Variants in SDK1 observed in about 807,000 individuals in gnomAD.
The protein encoded by SDK1 is sidekick cell adhesion molecule 1.
SDK1 carries 157 observed loss-of-function variants against 245.5 expected under a neutral mutation model. The ratio of observed to expected loss-of-function variants is 0.64; its 90% CI spans 0.56 to 0.73. The LOEUF (loss-of-function observed/expected upper bound fraction) is 0.73. Among genes scored for constraint, SDK1 ranks in the 30% least tolerant of loss-of-function variants. The pLI is 0.00. For missense variants in SDK1, 3,583 were observed against 3,002.3 expected, an observed-to-expected ratio of 1.19 and a Z score of -4.52; for synonymous variants, 1,647 against 1,278.5, an observed-to-expected ratio of 1.29 and a Z score of -6.15.
intron 1 of SDK1, among the ~76,000 whole-genome samples, chr7:3,611,546 C>G (rs1265833273): frequency 6.6e-6 from 1 of 152,032 alleles, no homozygotes; most frequent in Non-Finnish European, 1.5e-5. Context: ...GCCTTCTTTT[C>G]CTCTGGGTAG....
intron 4 of SDK1, among the ~76,000 whole-genome samples, chr7:3,762,221 C>T (rs964536929): frequency 4.0e-5 from 6 of 151,352 alleles, no homozygotes; most frequent in South Asian, 2.1e-4. Context: ...GAAGCAGTAC[C>T]TCCTATGGGA....
At chr7:3,364,223 A>T (rs1354350414) in intron 1 of SDK1, among the ~76,000 whole-genome samples, 1 of 152,096 alleles carries the variant, frequency 6.6e-6, no homozygotes, top group Non-Finnish European at 1.5e-5. Flanking sequence ...ATATATTCTC[A>T]CTCTGTAGAC....
chr7:4,138,353 G>A (rs1157898623), intron 28 of SDK1, among the ~76,000 whole-genome samples: 1 of 152,162 alleles, frequency 6.6e-6, no homozygotes, highest in Non-Finnish European at 1.5e-5. Context: ...CTTCTAAAGG[G>A]AAAACATGCT....
Position 3,829,011 on chromosome 7 carries a change from A to G in SDK1, c.847+7428A>G, listed in dbSNP as rs369159093. On this transcript the variant is annotated intron_variant, in intron 5 of 44. Transcript: ENST00000404826. Reference sequence around the variant, plus strand: ...CAGAGGCTGTGATATGATTAATACAATTCTTTGAATCATGTGTTTTTTAAA... The same window carrying G: ...CAGAGGCTGTGATATGATTAATACAGTTCTTTGAATCATGTGTTTTTTAAA... Among the ~76,000 whole-genome samples the G allele has an allele frequency of 3.9e-5, 6 of 152,190 alleles. 1 individual carries two copies. The East Asian group carries it at 5.8e-4, about 15-fold the overall frequency.
intron 28 of SDK1, among the ~76,000 whole-genome samples, chr7:4,133,083 A>G (rs1784949058): frequency 6.6e-6 from 1 of 152,168 alleles, no homozygotes; most frequent in South Asian, 2.1e-4. Flanking sequence ...ATGCAGACCT[A>G]GCCTTGGTTC....
intron 5 of SDK1, among the ~76,000 whole-genome samples, chr7:3,826,488 G>A (rs949758502): frequency 6.6e-6 from 1 of 152,198 alleles, no homozygotes; most frequent in Non-Finnish European, 1.5e-5. Flanking sequence ...TCCTGCTGCC[G>A]TTTGTTGCCA....
chr7:3,395,530 A>G (rs1246748071), intron 1 of SDK1, among the ~76,000 whole-genome samples: 1 of 151,770 alleles, frequency 6.6e-6, no homozygotes, highest in African/African-American at 2.4e-5. Flanking sequence ...TCTTAAATCT[A>G]CTTCTTATAC....
At chr7:3,793,544 TG>T (rs1423098234) in intron 4 of SDK1, among the ~76,000 whole-genome samples, 1 of 152,234 alleles carries the variant, frequency 6.6e-6, no homozygotes, top group Non-Finnish European at 1.5e-5. Context: ...AGTGGACCCG[TG>T]ATCCTCTGCC....
chr7:4,134,390 G>A (rs1053244480), intron 28 of SDK1, among the ~76,000 whole-genome samples: 9 of 152,152 alleles, frequency 5.9e-5, no homozygotes, highest in African/African-American at 2.2e-4. Flanking sequence ...TGGTGCCTGC[G>A]CAGTGAGCCC....
intron 18 of SDK1, 54 bp downstream of exon 18, chr7:4,049,517 G>A: frequency 2.9e-6 from 4 of 1,363,804 alleles, no homozygotes; most frequent in South Asian, 2.3e-5. Context: ...TGGAGCCACA[G>A]CGCGACGCAG....
intron 35 of SDK1, among the ~76,000 whole-genome samples, chr7:4,203,733 C>G (rs1784028573): frequency 6.6e-6 from 1 of 152,170 alleles, no homozygotes; most frequent in Admixed American, 6.5e-5. Context: ...GGTGGAGACC[C>G]AGCGGCTTTC....
chr7:4,113,375 A>C lies in SDK1; in HGVS notation c.3521A>C (p.Asp1174Ala). Residue 1174 changes from aspartate to alanine, a missense_variant, in exon 24 of 45, where the codon GAC becomes GCC. Asp to Ala is a moderately radical substitution (Grantham distance 126). Transcript: ENST00000404826. ...ATCCAGACCCTGCAGGCCCCACCCGACGTGGCTCCAACCAGCGTCACGGTC... is the reference window on the plus strand; with the variant it reads ...ATCCAGACCCTGCAGGCCCCACCCGCCGTGGCTCCAACCAGCGTCACGGTC... ...RVIQTLQAPP[D>A]VAPTSVTVRT... 3.7e-6 allele frequency: 6 copies of C among 1,613,900 alleles called. No individual in the cohort carries two copies. The highest frequency in any genetic ancestry group is 5.1e-6 in the Non-Finnish European group (6 of 1,180,020).
At chr7:3,632,284 A>G (rs781539005) in intron 2 of SDK1, among the ~76,000 whole-genome samples, 4 of 152,210 alleles carry the variant, frequency 2.6e-5, no homozygotes, top group Non-Finnish European at 5.9e-5. Context: ...GGAATGAATG[A>G]CGAATGCATA....
chr7:3,809,530 C>T (rs551982182), intron 4 of SDK1, among the ~76,000 whole-genome samples: 16 of 152,228 alleles, frequency 1.1e-4, no homozygotes, highest in African/African-American at 2.2e-4. Context: ...AGTCTTAACA[C>T]GAGAGTGGAA....
In SDK1 at chr7:3,798,847, T is replaced by C. The variant is rs181219724; in HGVS notation, c.714-22603T>C. On this transcript the variant is annotated intron_variant, in intron 4 of 44. Coordinates refer to ENST00000404826, the MANE Select transcript of SDK1 (RefSeq NM_152744.4). ...ACTACCACAAAAAATTAATTAAATT[T>C]TGCGTAGATACTTGGAGGTTATGCA... 2.1e-3 allele frequency among the ~76,000 whole-genome samples: 323 copies of C among 152,316 alleles called. 7 individuals carry two copies. In the South Asian group the frequency reaches 0.029, roughly 14 times the overall value.
chr7:3,502,071 A>T (rs1782232371), intron 1 of SDK1, among the ~76,000 whole-genome samples: 2 of 152,126 alleles, frequency 1.3e-5, no homozygotes, highest in Non-Finnish European at 2.9e-5. Flanking sequence ...ATAATTAAAA[A>T]TATTAATATT....
chr7:4,220,397 T>A, intron 39 of SDK1, 127 bp downstream of exon 39: 2 of 1,003,220 alleles, frequency 2.0e-6, no homozygotes, highest in Non-Finnish European at 1.4e-6. Context: ...TGGCATCAAC[T>A]CGGGGATGTC....
intron 35 of SDK1, among the ~76,000 whole-genome samples, chr7:4,196,587 G>A (rs1255079232): frequency 6.6e-6 from 1 of 152,198 alleles, no homozygotes; most frequent in African/African-American, 2.4e-5. Flanking sequence ...CTGCCTGGAT[G>A]CACCTGGCCA....
intron 1 of SDK1, among the ~76,000 whole-genome samples, chr7:3,553,654 C>T (rs1038497208): frequency 6.6e-6 from 1 of 152,086 alleles, no homozygotes; most frequent in Non-Finnish European, 1.5e-5. Context: ...GCTGAGATAC[C>T]CTTTTCCAGT....
Sources: gnomAD v4.1 joint callset for allele counts (sites outside exome capture counted in the v4.1 genomes callset) on GRCh38, gnomAD v4.1.1 for gene constraint, MANE v1.5 for transcripts, NCBI Gene and HGNC (gene_info 2026-07-23, HGNC 2026-07-21) for gene names.